Variants in ALOX5AP observed in about 807,000 individuals in gnomAD.
The protein encoded by ALOX5AP is arachidonate 5-lipoxygenase activating protein.
Under a neutral mutation model 18.5 loss-of-function variants are expected in ALOX5AP, and 9 were observed. That is an observed-to-expected ratio of 0.49 (90% CI 0.29 to 0.85). The LOEUF is 0.85. Among genes scored for constraint, ALOX5AP ranks in the 40% least tolerant of loss-of-function variants. The pLI is 0.08. For synonymous variants in ALOX5AP, 81 were observed against 78.6 expected, an observed-to-expected ratio of 1.03 and a Z score of -0.16; for missense variants, 172 against 202.5, an observed-to-expected ratio of 0.85 and a Z score of 0.91.
upstream of ALOX5AP, among the ~76,000 whole-genome samples, chr13:30,731,084 C>G (rs933410508): frequency 6.6e-6 from 1 of 152,194 alleles, no homozygotes; most frequent in African/African-American, 2.4e-5. Context: ...GTAAAGTTAC[C>G]TTTGCTAACG....
At chr13:30,715,822 T>C (rs1033159021) in intron 1 of ALOX5AP, among the ~76,000 whole-genome samples, 5 of 152,244 alleles carry the variant, frequency 3.3e-5, no homozygotes, top group African/African-American at 1.2e-4. Context: ...AAGTGGCCTT[T>C]GACCTCTAAG....
intron 1 of ALOX5AP, among the ~76,000 whole-genome samples, chr13:30,714,414 C>T (rs1282729545): frequency 2.0e-5 from 3 of 151,964 alleles, no homozygotes; most frequent in Non-Finnish European, 2.9e-5. Context: ...CCTGACGGGT[C>T]GATGTGGGGC....
chr13:30,714,147 G>T (rs545835696), intron 1 of ALOX5AP, among the ~76,000 whole-genome samples: 5 of 150,772 alleles, frequency 3.3e-5, no homozygotes, highest in African/African-American at 1.2e-4. Flanking sequence ...CCTAGCCCTG[G>T]CTCTTTAGAG....
At chr13:30,757,110 C>T (rs1240655830) in intron 4 of ALOX5AP, among the ~76,000 whole-genome samples, 1 of 152,110 alleles carries the variant, frequency 6.6e-6, no homozygotes, top group Non-Finnish European at 1.5e-5. Flanking sequence ...AGGTGCTGAC[C>T]CCAGCCTTCC....
chr13:30,713,543 C>A, exon 1 of ALOX5AP: 1 of 576,138 alleles, frequency 1.7e-6, no homozygotes, highest in Non-Finnish European at 3.1e-6. Context: ...TTGAAAGGGC[C>A]CGGACTCCAG....
intron 1 of ALOX5AP, among the ~76,000 whole-genome samples, chr13:30,717,207 A>AGGG (rs1951557102): frequency 6.6e-6 from 1 of 152,276 alleles, no homozygotes; most frequent in Admixed American, 6.5e-5. Flanking sequence ...TCAGAAGCTG[A>AGGG]GGGCAGAAGC....
At chr13:30,736,943 G>A (rs764290799) in intron 1 of ALOX5AP, among the ~76,000 whole-genome samples, 1 of 152,238 alleles carries the variant, frequency 6.6e-6, no homozygotes, top group Non-Finnish European at 1.5e-5. Context: ...CAGAGACCCT[G>A]CTCTGGCCCA....
chr13:30,741,193 G>T (rs1261285976), intron 1 of ALOX5AP, among the ~76,000 whole-genome samples: 3 of 121,624 alleles, frequency 2.5e-5, no homozygotes, highest in African/African-American at 9.6e-5. Flanking sequence ...CTCGATCTTG[G>T]CTCACTGCAA....
chr13:30,748,210 G>A (rs980585242), intron 2 of ALOX5AP, among the ~76,000 whole-genome samples: 4 of 152,128 alleles, frequency 2.6e-5, no homozygotes, highest in African/African-American at 9.7e-5. Context: ...TGAGCCACTG[G>A]TGCCTGGCCT....
chr13:30,718,799 C>A (rs1405492057), intron 1 of ALOX5AP, among the ~76,000 whole-genome samples: 1 of 152,182 alleles, frequency 6.6e-6, no homozygotes, highest in Non-Finnish European at 1.5e-5. Flanking sequence ...CCTTTGAGGT[C>A]ATGACAGCCC....
upstream of ALOX5AP, among the ~76,000 whole-genome samples, chr13:30,733,769 C>T (rs1468423124): frequency 6.6e-6 from 1 of 152,214 alleles, no homozygotes; most frequent in Admixed American, 6.5e-5. Context: ...GGCAGAAGGG[C>T]AAATTCCCTC....
chr13:30,713,676 T>C lies in ALOX5AP; in HGVS notation c.-50T>C, dbSNP rs1356555250. On this transcript the variant is annotated 5_prime_UTR_variant, in exon 1 of 6. Coordinates refer to the ALOX5AP transcript ENST00000617770. ...TCTGGACAATTCTGCAAGAACTCTG[T>C]AGAACTGACTTCACTGTGAACCAGG... 2.3e-6 allele frequency: 3 copies of C among 1,298,652 alleles called. No individual in the cohort carries two copies. In the South Asian group the frequency reaches 3.8e-5, roughly 16 times the overall value. The allele number at this position is 1,298,652 out of a possible 1,614,324, so 80.4% of individuals were successfully genotyped here. A position where few individuals can be genotyped will look rare whatever the true frequency, so the allele number is the denominator to read the frequency against.
chr13:30,720,440 TAAC>T (rs1225344651), intron 1 of ALOX5AP, among the ~76,000 whole-genome samples: 1 of 152,254 alleles, frequency 6.6e-6, no homozygotes, highest in Non-Finnish European at 1.5e-5. Flanking sequence ...TCAGGAATGA[TAAC>T]AAAATATAAT....
chr13:30,754,803 C>T (rs1463152154), intron 3 of ALOX5AP, among the ~76,000 whole-genome samples: 1 of 152,228 alleles, frequency 6.6e-6, no homozygotes, highest in African/African-American at 2.4e-5. Flanking sequence ...GACAGATGTC[C>T]TCATCTGTCT....
intron 1 of ALOX5AP, among the ~76,000 whole-genome samples, chr13:30,727,231 A>G (rs575573364): frequency 1.1e-4 from 16 of 151,966 alleles, no homozygotes; most frequent in African/African-American, 3.9e-4. Flanking sequence ...TTTAGTAGAG[A>G]AGGTGTTTCT....
chr13:30,732,217 A>G (rs1951687314), upstream of ALOX5AP, among the ~76,000 whole-genome samples: 1 of 152,128 alleles, frequency 6.6e-6, no homozygotes, highest in Admixed American at 6.5e-5. Flanking sequence ...TAAAGCGCGA[A>G]TGGCTGGACT....
intron 1 of ALOX5AP, among the ~76,000 whole-genome samples, chr13:30,714,113 C>A (rs965835206): frequency 1.3e-5 from 2 of 150,640 alleles, no homozygotes; most frequent in African/African-American, 4.9e-5. Context: ...CATTAAATAA[C>A]AGGAGTTACC....
chr13:30,747,421 C>T (rs1456909886), intron 2 of ALOX5AP, among the ~76,000 whole-genome samples: 1 of 152,220 alleles, frequency 6.6e-6, no homozygotes, highest in Non-Finnish European at 1.5e-5. Context: ...TATCCACCCG[C>T]CTTGGCCCCT....
At chr13:30,756,074 G>T in intron 4 of ALOX5AP, 49 bp downstream of exon 4, 6 of 1,543,006 alleles carry the variant, frequency 3.9e-6, no homozygotes, top group South Asian at 1.1e-5. Flanking sequence ...CCTGATTTTT[G>T]AGCAGGAAGA....
Sources: allele counts gnomAD v4.1 joint callset (sites outside exome capture counted in the v4.1 genomes callset), GRCh38; gene constraint gnomAD v4.1.1; transcripts MANE v1.5; gene names NCBI Gene and HGNC (gene_info 2026-07-23, HGNC 2026-07-21).